ZRANB2: variants seen among roughly 807,000 people sequenced by gnomAD.
ZRANB2 encodes the protein zinc finger RANBP2-type containing 2, also known as zinc finger Ran-binding domain-containing protein 2.
A neutral mutation model predicts 53.4 loss-of-function variants in ZRANB2; 19 were observed. That is an observed-to-expected ratio of 0.36 (90% CI 0.25 to 0.52). The LOEUF (loss-of-function observed/expected upper bound fraction) is 0.52. ZRANB2 is among the 20% of genes least tolerant of loss of function. The pLI, the probability that ZRANB2 is intolerant of heterozygous loss-of-function variation, is 0.93. For synonymous variants in ZRANB2, 145 were observed against 134.8 expected (o/e 1.08, Z -0.52); for missense variants, 309 against 401.1 (o/e 0.77, Z 1.96).
In ZRANB2 at chr1:71,070,846, T is replaced by A. The variant is rs775100762; in HGVS notation, c.664A>T (p.Ser222Cys). ...RSSSRSSSPS[S>C]SRSRSRSRSR... ...GTTTACCTGGACCTAGACCTTGAAC[T>A]TGAGGGGGAGGATGAGCGTGATGAA... Residue 222 changes from serine to cysteine, a missense_variant, in exon 7 of 10, where the codon AGT becomes TGT. Coordinates refer to ENST00000370920, the MANE Select transcript of ZRANB2 (RefSeq NM_203350.3). 2 of 1,598,772 alleles carry A rather than the reference T, an allele frequency of 1.3e-6. No homozygotes were observed. The highest frequency in any genetic ancestry group is 1.7e-4 in the Middle Eastern group (1 of 5,996).
At chr1:71,078,819 T>C (rs1661768958) in intron 1 of ZRANB2, 111 bp from the exon 2 acceptor site, 2 of 914,192 alleles carry the variant, frequency 2.2e-6, no homozygotes, top group Admixed American at 2.5e-5. Flanking sequence ...ATCTTAGTCA[T>C]GTTAATGTCA....
intron 4 of ZRANB2, among the ~76,000 whole-genome samples, chr1:71,074,965 C>A (rs1436520350): frequency 1.3e-5 from 2 of 151,968 alleles, no homozygotes; most frequent in Non-Finnish European, 2.9e-5. Context: ...GTTCAAGACA[C>A]CAGAATGACT....
chr1:71,074,955 G>A lies in ZRANB2; in HGVS notation c.301+1840C>T, dbSNP rs1661674584. 2.0e-5 allele frequency among the ~76,000 whole-genome samples: 3 copies of A among 152,288 alleles called. No individual in the cohort carries two copies. The South Asian group carries it at 6.2e-4, about 32-fold the overall frequency. On this transcript the variant is annotated intron_variant, in intron 4 of 9. Coordinates refer to ENST00000370920, the MANE Select transcript of ZRANB2 (RefSeq NM_203350.3). The stretch of plus-strand genomic sequence containing the variant: ...ACTTGTAGCAAGGGAAGTGAGAAAG[G>A]TTCAAGACACCAGAATGACTGAAAA...
rs2101041415 is a variant in ZRANB2 at position 71,067,296 on chromosome 1, C to A, written c.771-362G>T. 1.1e-5 allele frequency: 2 copies of A among 180,280 alleles called. 1 individual carries two copies. The highest frequency in any genetic ancestry group is 3.6e-4 in the East Asian group (2 of 5,596). The allele number at this position is 180,280 out of a possible 1,614,324, so 11.2% of individuals were successfully genotyped here. ...CTTTACGTTTAGGAACTACATCCTT[C>A]CATTTGAGGATTAAAATATGTATCT... is the stretch of plus-strand genomic sequence containing the variant. On this transcript the variant is annotated intron_variant, in intron 8 of 9. Transcript: ENST00000370920.
At chr1:71,080,690 C>T (rs1661824031) in intron 1 of ZRANB2, among the ~76,000 whole-genome samples, 1 of 152,030 alleles carries the variant, frequency 6.6e-6, no homozygotes, top group South Asian at 2.1e-4. Flanking sequence ...CCATCTCGCA[C>T]TCTAAAAAGA....
chr1:71,065,854 AGAAT>A, intron 9 of ZRANB2: 2 of 1,531,000 alleles, frequency 1.3e-6, no homozygotes, highest in Non-Finnish European at 8.9e-7. Context: ...AGAAAGCAAC[AGAAT>A]GAATTCCACT....
rs1376518375 is a variant in ZRANB2 at position 71,064,966 on chromosome 1, C to A, written c.*108G>T. 2 of 624,024 alleles carry A rather than the reference C, an allele frequency of 3.2e-6. No individual in the cohort carries two copies. The highest frequency in any genetic ancestry group is 1.9e-5 in the African/African-American group (1 of 53,392). The allele number at this position is 624,024 out of a possible 1,614,324, so 38.7% of individuals were successfully genotyped here. A position where few individuals can be genotyped will look rare whatever the true frequency, so the allele number is the denominator to read the frequency against. On this transcript the variant is annotated 3_prime_UTR_variant, in exon 10 of 10. Transcript: ENST00000370920. ...GTTTTGAAAAGCAATGAAAGGCATG[C>A]ACCTCTACTAGCAGATTTAGCACTT...
At chr1:71,069,394 AG>A (rs1557791153) in intron 7 of ZRANB2, 32 bp from the exon 8 acceptor site, 1 of 1,562,744 alleles carries the variant, frequency 6.4e-7, no homozygotes, top group Admixed American at 1.7e-5. Context: ...TTTTTTTTCC[AG>A]GACCATTTAA....
rs746169423 is a variant in ZRANB2 at position 71,069,381 on chromosome 1, A to AT, written c.684-20dup. On this transcript the variant is annotated intron_variant, in intron 7 of 9. Coordinates refer to ENST00000370920, the MANE Select transcript of ZRANB2 (RefSeq NM_203350.3). ...ACGGGACCTGGAACAACATGGAACGATTTTTTTTTTCCAGGACCATTTAAT... is the reference window on the plus strand; with the variant it reads ...ACGGGACCTGGAACAACATGGAACGATTTTTTTTTTTCCAGGACCATTTAAT... 2.0e-3 allele frequency: 3,066 copies of AT among 1,508,740 alleles called. No homozygotes were observed. Among genetic ancestry groups the AT allele is most frequent in the Non-Finnish European group, 2.1e-3 (2,351 of 1,105,980 alleles). 93.5% of individuals were successfully genotyped at this position (1,508,740 alleles called of 1,614,324 possible).
At position 71,075,644 on chromosome 1, in the gene ZRANB2, A is replaced by G. The variant is rs77943746; in HGVS notation, c.301+1151T>C. ...AGTGGCCAAAAGAAGAGAAACCTGC[A>G]AAGGAGACAGAATAAACAATCAATC... On this transcript the variant is annotated intron_variant, in intron 4 of 9. Transcript: ENST00000370920. 5.9e-3 allele frequency among the ~76,000 whole-genome samples: 898 copies of G among 152,176 alleles called. 7 individuals carry two copies. The highest frequency in any genetic ancestry group is 9.5e-3 in the Non-Finnish European group (645 of 68,004).
intron 7 of ZRANB2, among the ~76,000 whole-genome samples, chr1:71,070,286 T>C (rs1573054219): frequency 1.6e-5 from 2 of 123,870 alleles, no homozygotes; most frequent in African/African-American, 5.9e-5. Flanking sequence ...CAAACAATAT[T>C]CAAGTACACC....
At chr1:71,076,580 T>C (rs367776081) in intron 4 of ZRANB2, among the ~76,000 whole-genome samples, 6 of 152,180 alleles carry the variant, frequency 3.9e-5, no homozygotes, top group African/African-American at 1.4e-4. Context: ...CCCTCCTTGT[T>C]AGGATAAAGG....
At chr1:71,067,729 T>C (rs1661482203) in intron 8 of ZRANB2, 2 of 418,034 alleles carry the variant, frequency 4.8e-6, no homozygotes, top group Non-Finnish European at 9.5e-6. Flanking sequence ...GAAAAAATGT[T>C]TGGGAAGAAT....
chr1:71,081,000 A>T lies in ZRANB2; in HGVS notation c.-5T>A. The T allele has an allele frequency of 6.2e-7, 1 of 1,614,128 alleles. No homozygotes were observed. The highest frequency in any genetic ancestry group is 8.5e-7 in the Non-Finnish European group (1 of 1,180,028). Reference sequence around the variant, plus strand: ...TCGGAAATTCTTGGTCGACATCTTGAACGCCACCAGCACAGCCACCCGCAG... The same window carrying T: ...TCGGAAATTCTTGGTCGACATCTTGTACGCCACCAGCACAGCCACCCGCAG... On this transcript the variant is annotated 5_prime_UTR_variant, in exon 1 of 10. Coordinates refer to ENST00000370920, the MANE Select transcript of ZRANB2 (RefSeq NM_203350.3).
chr1:71,080,614 T>G (rs1297419451), intron 1 of ZRANB2, among the ~76,000 whole-genome samples: 1 of 112,888 alleles, frequency 8.9e-6, no homozygotes, highest in African/African-American at 3.5e-5. Flanking sequence ...CTGGCCTGAC[T>G]GGAGAGGTTT....
chr1:71,072,427 GTTT>G, intron 5 of ZRANB2, 42 bp downstream of exon 5: 1 of 1,542,232 alleles, frequency 6.5e-7, no homozygotes, highest in Non-Finnish European at 8.8e-7. Flanking sequence ...AATTTTTTCT[GTTT>G]TTCTAATTTA....
chr1:71,080,712 G>A (rs1661825308), intron 1 of ZRANB2, among the ~76,000 whole-genome samples: 2 of 152,064 alleles, frequency 1.3e-5, no homozygotes, highest in Admixed American at 1.3e-4. Context: ...AGGCTACCTT[G>A]CGGAGGTAAT....
At chr1:71,080,628 A>G (rs962118478) in intron 1 of ZRANB2, among the ~76,000 whole-genome samples, 1 of 123,432 alleles carries the variant, frequency 8.1e-6, no homozygotes, top group Non-Finnish European at 1.6e-5. Flanking sequence ...GAGGTTTCCT[A>G]TCGCTAAAAC....
chr1:71,069,446 T>G (rs1661547178), intron 7 of ZRANB2, 84 bp from the exon 8 acceptor site: 2 of 927,896 alleles, frequency 2.2e-6, no homozygotes, highest in African/African-American at 3.3e-5. Context: ...AGATATGTAT[T>G]AGAGTTCATT....
Sources: gnomAD v4.1 joint callset for allele counts (sites outside exome capture counted in the v4.1 genomes callset) on GRCh38, gnomAD v4.1.1 for gene constraint, MANE v1.5 for transcripts, NCBI Gene and HGNC (gene_info 2026-07-23, HGNC 2026-07-21) for gene names.